IQSEC1: variants seen among roughly 807,000 people sequenced by gnomAD.
IQSEC1 encodes IQ motif and SEC7 domain-containing protein 1.
A neutral mutation model predicts 91.0 loss-of-function variants in IQSEC1; 31 were observed. The ratio of observed to expected loss-of-function variants is 0.34; its 90% CI spans 0.26 to 0.46. The LOEUF (loss-of-function observed/expected upper bound fraction) is 0.46. Ranked by LOEUF, IQSEC1 falls within the 20% of genes least tolerant of loss-of-function variation. The pLI, the probability that IQSEC1 is intolerant of heterozygous loss-of-function variation, is 1.00. For synonymous variants in IQSEC1, 699 were observed against 662.6 expected, an observed-to-expected ratio of 1.05 and a Z score of -0.84; for missense variants, 1,388 against 1,575.6, an observed-to-expected ratio of 0.88 and a Z score of 2.02.
intron 1 of IQSEC1, among the ~76,000 whole-genome samples, chr3:12,988,393 C>T (rs562675079): frequency 1.1e-4 from 16 of 151,754 alleles, no homozygotes; most frequent in South Asian, 1.0e-3. Flanking sequence ...CCAGCCTGGG[C>T]GACAGAGCGA....
At chr3:13,047,043 C>T (rs1449707019) in intron 1 of IQSEC1, among the ~76,000 whole-genome samples, 1 of 152,188 alleles carries the variant, frequency 6.6e-6, no homozygotes, top group Non-Finnish European at 1.5e-5. Context: ...TCAGACACCC[C>T]AGCTCCCACC....
intron 1 of IQSEC1, among the ~76,000 whole-genome samples, chr3:13,070,885 T>G (rs1705392789): frequency 6.6e-6 from 1 of 152,226 alleles, no homozygotes. Context: ...CAGAGCCACG[T>G]GTTCAAATGC....
At position 12,992,642 on chromosome 3, in the gene IQSEC1, T is replaced by C. The variant is rs1376829495; in HGVS notation, c.24-50777A>G. ...TGCACAACCAGACCCCTGCTCCCAGTCTAGGACAGGTCCCTCACCACCACA... is the reference window on the plus strand; with the variant it reads ...TGCACAACCAGACCCCTGCTCCCAGCCTAGGACAGGTCCCTCACCACCACA... On this transcript the variant is annotated intron_variant, in intron 1 of 13. Coordinates refer to ENST00000613206, the MANE Select transcript of IQSEC1 (RefSeq NM_001134382.3). The surrounding 1 kb of genome is among the most constrained non-coding windows in gnomAD (Gnocchi z 4.1). Among the ~76,000 whole-genome samples the C allele has an allele frequency of 6.6e-6, 1 of 152,124 alleles. No individual in the cohort carries two copies. Among genetic ancestry groups the C allele is most frequent in the Non-Finnish European group, 1.5e-5 (1 of 68,024 alleles).
chr3:13,161,849 G>A (rs531436841), intron 2 of IQSEC1, among the ~76,000 whole-genome samples: 4 of 152,252 alleles, frequency 2.6e-5, no homozygotes, highest in Non-Finnish European at 4.4e-5. Flanking sequence ...TGTGTGGCTC[G>A]GAGCTGGGAC....
At chr3:13,195,057 G>A (rs138366258) in intron 1 of IQSEC1, among the ~76,000 whole-genome samples, 190 of 152,276 alleles carry the variant, frequency 1.2e-3, no homozygotes, top group Middle Eastern at 3.4e-3. Flanking sequence ...AGGACGATAA[G>A]GCATGCTACT....
intron 1 of IQSEC1, 86 bp downstream of exon 1, chr3:13,072,906 C>G (rs756659563): frequency 6.2e-5 from 77 of 1,244,592 alleles, no homozygotes; most frequent in African/African-American, 4.8e-4. Context: ...TGCCCCTCCC[C>G]CAACGATGCC....
intron 1 of IQSEC1, among the ~76,000 whole-genome samples, chr3:13,252,718 GT>G (rs1231603956): frequency 4.3e-5 from 5 of 117,406 alleles, no homozygotes; most frequent in South Asian, 2.4e-4. Flanking sequence ...TATTATCTAT[GT>G]TTTTTTTTGT....
chr3:12,901,587 T>A, intron 13 of IQSEC1, 65 bp from the exon 14 acceptor site: 2 of 1,319,002 alleles, frequency 1.5e-6, no homozygotes, highest in Non-Finnish European at 2.1e-6. Flanking sequence ...AGAATGATTT[T>A]TTTTTTTCAA....
rs182014304 is a variant in IQSEC1 at position 13,243,556 on chromosome 3, T to C, written c.272+39155A>G. 2.2e-3 allele frequency among the ~76,000 whole-genome samples: 331 copies of C among 152,252 alleles called. 1 individual carries two copies. Among genetic ancestry groups the C allele is most frequent in the African/African-American group, 7.7e-3 (318 of 41,544 alleles). On this transcript the variant is annotated intron_variant, in intron 1 of 15. Transcript: ENST00000648114. Reference sequence around the variant, plus strand: ...GCCTGGCGCCCACCCCATCTCTGTCTCTCGCAGAAGCCTCTACACCCCAGT... The same window carrying C: ...GCCTGGCGCCCACCCCATCTCTGTCCCTCGCAGAAGCCTCTACACCCCAGT...
In IQSEC1 at chr3:12,967,444, C is replaced by T. The variant is rs1180063283; in HGVS notation, c.24-25579G>A. ...GGTCCTCTCCGAGTTGCAGTGCAGG[C>T]ACCACATGGCGGCCGCAGTGGGAGC... On this transcript the variant is annotated intron_variant, in intron 1 of 13. Coordinates refer to ENST00000613206, the MANE Select transcript of IQSEC1 (RefSeq NM_001134382.3). The surrounding 1 kb of genome is among the most constrained non-coding windows in gnomAD (Gnocchi z 5.9). The T allele has an allele frequency of 5.9e-6, 9 of 1,522,500 alleles. No individual in the cohort carries two copies. Among genetic ancestry groups the T allele is most frequent in the Non-Finnish European group, 7.9e-6 (9 of 1,140,130 alleles). 94.3% of individuals were successfully genotyped at this position (1,522,500 alleles called of 1,614,324 possible). A position where few individuals can be genotyped will look rare whatever the true frequency, so the allele number is the denominator to read the frequency against.
At chr3:13,255,766 G>T (rs1182103411) in intron 1 of IQSEC1, among the ~76,000 whole-genome samples, 1 of 152,260 alleles carries the variant, frequency 6.6e-6, no homozygotes, top group African/African-American at 2.4e-5. Flanking sequence ...ACAGGCACGA[G>T]CCACTGTAAT....
chr3:13,095,718 G>A (rs1431207253), intron 2 of IQSEC1, among the ~76,000 whole-genome samples: 2 of 152,168 alleles, frequency 1.3e-5, no homozygotes, highest in African/African-American at 2.4e-5. Context: ...TGCTGAGCAC[G>A]CCTGTCGGGA....
chr3:13,029,529 C>T (rs1407079266), intron 1 of IQSEC1, among the ~76,000 whole-genome samples: 4 of 152,230 alleles, frequency 2.6e-5, no homozygotes, highest in Non-Finnish European at 2.9e-5. Flanking sequence ...ATTCACTACC[C>T]CCTTCCTTAG....
chr3:13,035,885 C>T (rs1704017351), intron 1 of IQSEC1, among the ~76,000 whole-genome samples: 1 of 152,172 alleles, frequency 6.6e-6, no homozygotes, highest in African/African-American at 2.4e-5. Context: ...CCCTTGGGAC[C>T]CAGCCGCCAT....
At chr3:13,085,755 A>G (rs1705725488) in intron 2 of IQSEC1, among the ~76,000 whole-genome samples, 2 of 152,252 alleles carry the variant, frequency 1.3e-5, no homozygotes. Flanking sequence ...GCCCGAGGCC[A>G]CGTCTTGGAC....
rs1482472747 is a variant in IQSEC1 at position 12,936,099 on chromosome 3, T to C, written c.917A>G (p.Gln306Arg). ...GGTGCTGGACGGCCGGTCCCCTGCC[T>C]GCGAGAGGGGCAGAGGGGGCGACAG... ...EELSPPLPLS[Q>R]AGDRPSSTES... Residue 306 changes from glutamine to arginine, a missense_variant, in exon 3 of 14, where the codon CAG becomes CGG. Coordinates refer to ENST00000613206, the MANE Select transcript of IQSEC1 (RefSeq NM_001134382.3). 1 of 1,610,860 alleles carries C rather than the reference T, an allele frequency of 6.2e-7. No homozygotes were observed. Among genetic ancestry groups the C allele is most frequent in the Non-Finnish European group, 8.5e-7 (1 of 1,179,756 alleles).
intron 1 of IQSEC1, among the ~76,000 whole-genome samples, chr3:13,055,236 T>C (rs1382411524): frequency 6.6e-6 from 1 of 152,176 alleles, no homozygotes; most frequent in Non-Finnish European, 1.5e-5. Context: ...TGGGGGCAGA[T>C]GGGGGTCTCA....
chr3:12,948,481 A>C (rs1385221601), intron 1 of IQSEC1, among the ~76,000 whole-genome samples: 1 of 152,206 alleles, frequency 6.6e-6, no homozygotes, highest in Non-Finnish European at 1.5e-5. Flanking sequence ...AGAAAGGCAG[A>C]CAGTCCAACC....
intron 2 of IQSEC1, among the ~76,000 whole-genome samples, chr3:13,150,608 G>C (rs905279946): frequency 3.3e-5 from 5 of 152,168 alleles, no homozygotes; most frequent in Admixed American, 2.6e-4. Context: ...GAGGAACAAG[G>C]GGTGCCCTGG....
Sources: gnomAD v4.1 joint callset for allele counts (sites outside exome capture counted in the v4.1 genomes callset) on GRCh38, gnomAD v4.1.1 for gene constraint, Gnocchi (gnomAD v3.1) non-coding constraint, MANE v1.5 for transcripts, NCBI Gene and HGNC (gene_info 2026-07-23, HGNC 2026-07-21) for gene names.